Variants in VWF observed in about 807,000 individuals in gnomAD.
VWF encodes von Willebrand factor, also known as Factor VIII related antigen.
VWF carries 176 observed loss-of-function variants against 308.6 expected under a neutral mutation model. That is an observed-to-expected ratio of 0.57 (90% CI 0.50 to 0.65). The LOEUF (loss-of-function observed/expected upper bound fraction) is 0.65. Ranked by LOEUF, VWF falls within the 30% of genes least tolerant of loss-of-function variation. The pLI, the probability that VWF is intolerant of heterozygous loss-of-function variation, is 0.00. For synonymous variants in VWF, 1,385 were observed against 1,443.4 expected, an observed-to-expected ratio of 0.96 and a Z score of 0.92; for missense variants, 3,146 against 3,648.2, an observed-to-expected ratio of 0.86 and a Z score of 3.55.
chr12:6,092,603 T>TG (rs1565386572), intron 6 of VWF, among the ~76,000 whole-genome samples: 7 of 65,432 alleles, frequency 1.1e-4, no homozygotes, highest in Non-Finnish European at 2.1e-4. Flanking sequence ...CCCAGCTAGT[T>TG]AGTGAGTGAG....
In VWF at chr12:5,951,888, GA is replaced by G. The variant is rs1374825942; in HGVS notation, c.8116-6del. On this transcript the variant is annotated splice_region_variant and splice_polypyrimidine_tract_variant and intron_variant, in intron 49 of 51. Coordinates refer to ENST00000261405, the MANE Select transcript of VWF (RefSeq NM_000552.5). Reference sequence around the variant, plus strand: ...TGGAATTTTCATAATTTTACCCTAAGAAAACAGCAAAATTTCAGGTTAGGCA... The same window carrying G: ...TGGAATTTTCATAATTTTACCCTAAGAAACAGCAAAATTTCAGGTTAGGCA... 3 of 1,614,064 alleles carry G rather than the reference GA, an allele frequency of 1.9e-6. No individual in the cohort carries two copies. Among genetic ancestry groups the G allele is most frequent in the Admixed American group, 3.3e-5 (2 of 60,002 alleles).
chr12:6,073,999 G>A (rs1056085434), intron 7 of VWF, among the ~76,000 whole-genome samples: 1 of 152,058 alleles, frequency 6.6e-6, no homozygotes, highest in South Asian at 2.1e-4. Flanking sequence ...CCCCTTGGTC[G>A]CCTGCTCTCC....
intron 43 of VWF, among the ~76,000 whole-genome samples, chr12:5,974,809 G>A (rs1002301454): frequency 2.0e-5 from 3 of 152,154 alleles, no homozygotes; most frequent in East Asian, 1.9e-4. Flanking sequence ...GTAGGACCAC[G>A]GTGCCCACCT....
At chr12:6,087,611 C>A (rs898778848) in intron 6 of VWF, among the ~76,000 whole-genome samples, 1 of 151,370 alleles carries the variant, frequency 6.6e-6, no homozygotes, top group African/African-American at 2.4e-5. Flanking sequence ...GTGATCCGCC[C>A]GCCTCGGCCT....
Position 6,058,539 on chromosome 12 carries a change from G to A in VWF, c.1534-495C>T, listed in dbSNP as rs569087515. Among the ~76,000 whole-genome samples the A allele has an allele frequency of 6.6e-6, 1 of 152,170 alleles. No individual in the cohort carries two copies. Among genetic ancestry groups the A allele is most frequent in the Non-Finnish European group, 1.5e-5 (1 of 68,028 alleles). On this transcript the variant is annotated intron_variant, in intron 13 of 51. Transcript: ENST00000261405. This position sits in a 1 kb window ranked among gnomAD's most constrained non-coding sequence, Gnocchi z 4.9. The stretch of plus-strand genomic sequence containing the variant: ...TCACTCGGTGTGGGCCCAGCAGGCT[G>A]CCAGGTGTGGTCCAAGCCCTCCGGG...
chr12:6,068,470 C>G (rs1176916070), intron 10 of VWF, among the ~76,000 whole-genome samples: 1 of 151,994 alleles, frequency 6.6e-6, no homozygotes, highest in Non-Finnish European at 1.5e-5. Flanking sequence ...GTGCAAGATG[C>G]ATTTCTTTTT....
At chr12:6,122,588 A>T in intron 2 of VWF, 1 of 344,610 alleles carries the variant, frequency 2.9e-6, no homozygotes, top group Non-Finnish European at 5.7e-6. Context: ...TGCTGACCTG[A>T]GAGATCTAAG....
intron 38 of VWF, among the ~76,000 whole-genome samples, chr12:5,989,015 T>TG (rs1943709440): frequency 6.6e-6 from 1 of 152,062 alleles, no homozygotes; most frequent in Admixed American, 6.5e-5. Context: ...GGGATGCAAA[T>TG]GAAATGCAAA....
chr12:6,040,308 G>A (rs957423487), intron 18 of VWF, among the ~76,000 whole-genome samples: 14 of 152,136 alleles, frequency 9.2e-5, no homozygotes, highest in African/African-American at 3.4e-4. Context: ...AGATCTTCCA[G>A]CACAACCCCC....
At chr12:5,975,634 A>C (rs1439187617) in intron 43 of VWF, among the ~76,000 whole-genome samples, 1 of 152,244 alleles carries the variant, frequency 6.6e-6, no homozygotes, top group African/African-American at 2.4e-5. Flanking sequence ...TTCAGAGCAT[A>C]CATTTGTTCT....
At chr12:6,015,760 T>C (rs1298860989) in intron 31 of VWF, among the ~76,000 whole-genome samples, 1 of 152,126 alleles carries the variant, frequency 6.6e-6, no homozygotes, top group African/African-American at 2.4e-5. Context: ...GCCTCAGACA[T>C]GACATTTTAG....
Position 6,102,503 on chromosome 12 carries a change from G to A in VWF, c.533-6919C>T, listed in dbSNP as rs189147319. 2.2e-4 allele frequency among the ~76,000 whole-genome samples: 33 copies of A among 152,178 alleles called. No homozygotes were observed. In the East Asian group the frequency reaches 5.6e-3, roughly 26 times the overall value. On this transcript the variant is annotated intron_variant, in intron 5 of 51. Transcript: ENST00000261405. ...TGTAATCCCAGCACTGTGGGAGGCC[G>A]AGGCAGGCGGATCACGAGGTCAAGA...
intron 34 of VWF, among the ~76,000 whole-genome samples, chr12:6,008,174 A>G (rs557624015): frequency 2.0e-5 from 3 of 152,040 alleles, no homozygotes; most frequent in Non-Finnish European, 4.4e-5. Context: ...AACCTACTTT[A>G]TGAAGCCAGA....
intron 34 of VWF, among the ~76,000 whole-genome samples, chr12:6,006,803 A>G (rs926318434): frequency 2.8e-4 from 42 of 152,182 alleles, no homozygotes; most frequent in African/African-American, 9.4e-4. Flanking sequence ...ATAAATAAAT[A>G]AAATATAAAA....
At chr12:6,076,276 C>T (rs1237859489) in intron 6 of VWF, among the ~76,000 whole-genome samples, 1 of 152,210 alleles carries the variant, frequency 6.6e-6, no homozygotes, top group Non-Finnish European at 1.5e-5. Flanking sequence ...TCTGCTCACT[C>T]ACGAGTATCA....
intron 47 of VWF, among the ~76,000 whole-genome samples, chr12:5,966,160 T>G (rs1338096697): frequency 6.6e-6 from 1 of 152,060 alleles, no homozygotes; most frequent in Non-Finnish European, 1.5e-5. Flanking sequence ...GTCTCCTGAC[T>G]GCCCTGATTG....
intron 47 of VWF, among the ~76,000 whole-genome samples, chr12:5,962,124 T>C (rs189692775): frequency 9.9e-5 from 15 of 152,242 alleles, no homozygotes; most frequent in Non-Finnish European, 1.2e-4. Flanking sequence ...AGTGAAAAAA[T>C]TAATTTCTGT....
At chr12:6,002,183 G>C (rs1253309583) in intron 34 of VWF, among the ~76,000 whole-genome samples, 1 of 151,130 alleles carries the variant, frequency 6.6e-6, no homozygotes, top group Non-Finnish European at 1.5e-5. Context: ...AAGCACAAAA[G>C]GTAAACTAAA....
chr12:6,072,082 C>A (rs1944787877), intron 9 of VWF, among the ~76,000 whole-genome samples: 1 of 152,182 alleles, frequency 6.6e-6, no homozygotes, highest in African/African-American at 2.4e-5. Flanking sequence ...GAGATGATGT[C>A]TGCACGTGAA....
Sources: allele counts gnomAD v4.1 joint callset (sites outside exome capture counted in the v4.1 genomes callset), GRCh38; gene constraint gnomAD v4.1.1; non-coding constraint Gnocchi (gnomAD v3.1); transcripts MANE v1.5; gene names NCBI Gene and HGNC (gene_info 2026-07-23, HGNC 2026-07-21).